Variants in WDR70 observed in about 807,000 individuals in gnomAD.
The protein encoded by WDR70 is WD repeat domain 70.
A neutral mutation model predicts 88.6 loss-of-function variants in WDR70; 53 were observed. The observed-to-expected ratio is 0.60, with a 90% CI of 0.48 to 0.75. WDR70 has a LOEUF of 0.75. Ranked by LOEUF, WDR70 falls within the 30% of genes least tolerant of loss-of-function variation. WDR70 has a pLI of 0.00. For missense variants in WDR70, 610 were observed against 823.2 expected, an observed-to-expected ratio of 0.74 and a Z score of 3.17; for synonymous variants, 280 against 270.0, an observed-to-expected ratio of 1.04 and a Z score of -0.36.
chr5:37,721,030 A>G lies in WDR70; in HGVS notation c.1417-85A>G, dbSNP rs953215145. On this transcript the variant is annotated intron_variant, in intron 13 of 17. Coordinates refer to ENST00000265107, the MANE Select transcript of WDR70 (RefSeq NM_018034.4). ...AAACCATCAGGATGATATTTGATAT[A>G]GTAGACTAGCCATCAAAGTACCAGC... 3 of 1,096,730 alleles carry G rather than the reference A, an allele frequency of 2.7e-6. No individual in the cohort carries two copies. In the African/African-American group the frequency reaches 4.7e-5, roughly 17 times the overall value. 67.9% of individuals were successfully genotyped at this position (1,096,730 alleles called of 1,614,324 possible). A position where few individuals can be genotyped will look rare whatever the true frequency, so the allele number is the denominator to read the frequency against.
Position 37,430,647 on chromosome 5 carries a change from G to T in WDR70, c.493-7275G>T, listed in dbSNP as rs558439452. 9.9e-5 allele frequency among the ~76,000 whole-genome samples: 15 copies of T among 151,710 alleles called. 1 individual carries two copies. The highest frequency in any genetic ancestry group is 3.6e-4 in the African/African-American group (15 of 41,354). On this transcript the variant is annotated intron_variant, in intron 5 of 17. Coordinates refer to ENST00000265107, the MANE Select transcript of WDR70 (RefSeq NM_018034.4). ...ATGATCTCAGCTCACTGCAACCTCC[G>T]CTTCCTGGGTTTAAGCGATTCTCCC...
At chr5:37,645,352 T>C (rs990158089) in intron 10 of WDR70, among the ~76,000 whole-genome samples, 3 of 152,074 alleles carry the variant, frequency 2.0e-5, no homozygotes, top group Non-Finnish European at 2.9e-5. Flanking sequence ...TCAGAGAAGA[T>C]GTATGATATT....
At chr5:37,644,272 G>A (rs1745178516) in intron 10 of WDR70, among the ~76,000 whole-genome samples, 1 of 151,862 alleles carries the variant, frequency 6.6e-6, no homozygotes, top group Non-Finnish European at 1.5e-5. Flanking sequence ...CATTCTGTTG[G>A]TATGATGTGT....
intron 10 of WDR70, among the ~76,000 whole-genome samples, chr5:37,610,176 G>T (rs1350468172): frequency 2.7e-5 from 4 of 150,424 alleles, no homozygotes; most frequent in Non-Finnish European, 5.9e-5. Flanking sequence ...TGATGCAGGA[G>T]AATTGCTTGA....
chr5:37,541,005 C>A (rs1033641605), intron 9 of WDR70, among the ~76,000 whole-genome samples: 2 of 152,148 alleles, frequency 1.3e-5, no homozygotes, highest in Non-Finnish European at 2.9e-5. Flanking sequence ...GTAATATAAT[C>A]TTTAATTCAG....
intron 5 of WDR70, among the ~76,000 whole-genome samples, chr5:37,405,502 G>A (rs1214171478): frequency 6.6e-6 from 1 of 151,652 alleles, no homozygotes; most frequent in Non-Finnish European, 1.5e-5. Flanking sequence ...GGTGTGAGCC[G>A]CTGTGCCTGG....
chr5:37,477,749 ATAT>A (rs1038129669), intron 7 of WDR70, among the ~76,000 whole-genome samples: 7 of 152,184 alleles, frequency 4.6e-5, no homozygotes, highest in African/African-American at 9.6e-5. Context: ...AGACAAGGAG[ATAT>A]TCTCCTCATC....
intron 10 of WDR70, among the ~76,000 whole-genome samples, chr5:37,656,056 T>TG (rs1431704582): frequency 6.6e-6 from 1 of 151,658 alleles, no homozygotes; most frequent in African/African-American, 2.4e-5. Context: ...TTGCCCTGGT[T>TG]TTTTTTTCAT....
At chr5:37,527,081 A>G (rs1277127078) in intron 9 of WDR70, among the ~76,000 whole-genome samples, 1 of 152,198 alleles carries the variant, frequency 6.6e-6, no homozygotes, top group African/African-American at 2.4e-5. Flanking sequence ...ATTCAATGCC[A>G]TCCCCATCAA....
chr5:37,383,443 G>A (rs1027532770), intron 3 of WDR70, among the ~76,000 whole-genome samples: 2 of 151,722 alleles, frequency 1.3e-5, no homozygotes, highest in African/African-American at 4.8e-5. Flanking sequence ...TGTATTTTTA[G>A]TGGAGACGGG....
rs1744434051 is a variant in WDR70 at position 37,619,188 on chromosome 5, A to G, written c.1092+13950A>G. ...ATGAAATAGGGGAAGCATGTTTTGAATTTGTGTTATTCTAGCCAATTTTGA... is the reference window on the plus strand; with the variant it reads ...ATGAAATAGGGGAAGCATGTTTTGAGTTTGTGTTATTCTAGCCAATTTTGA... On this transcript the variant is annotated intron_variant, in intron 10 of 17. Coordinates refer to ENST00000265107, the MANE Select transcript of WDR70 (RefSeq NM_018034.4). Among the ~76,000 whole-genome samples the G allele has an allele frequency of 3.3e-5, 5 of 152,026 alleles. No individual in the cohort carries two copies. In the South Asian group the frequency reaches 1.0e-3, roughly 32 times the overall value.
At chr5:37,695,917 C>A (rs1746967361) in intron 10 of WDR70, among the ~76,000 whole-genome samples, 1 of 152,188 alleles carries the variant, frequency 6.6e-6, no homozygotes, top group Non-Finnish European at 1.5e-5. Flanking sequence ...TTCTTGCCCT[C>A]ACCTCCTGCT....
At chr5:37,604,650 G>A (rs1023013688) in intron 9 of WDR70, among the ~76,000 whole-genome samples, 2 of 152,170 alleles carry the variant, frequency 1.3e-5, no homozygotes, top group African/African-American at 4.8e-5. Flanking sequence ...TTTTCAGTGT[G>A]TTTTCTGGTG....
intron 10 of WDR70, among the ~76,000 whole-genome samples, chr5:37,682,664 T>C (rs1746472966): frequency 6.6e-6 from 1 of 152,198 alleles, no homozygotes. Flanking sequence ...ATTTCTGCCT[T>C]AATATTATTA....
chr5:37,723,777 C>G (rs1382455605), intron 15 of WDR70: 2 of 152,178 alleles, frequency 1.3e-5, no homozygotes, highest in Non-Finnish European at 2.9e-5. Context: ...CATAACTAGT[C>G]TAGCTCATGT....
intron 7 of WDR70, among the ~76,000 whole-genome samples, chr5:37,445,005 C>T (rs1338083672): frequency 5.9e-5 from 9 of 152,150 alleles, no homozygotes; most frequent in Non-Finnish European, 1.0e-4. Flanking sequence ...CAACGCCTGC[C>T]GTGCACCTGG....
intron 13 of WDR70, among the ~76,000 whole-genome samples, chr5:37,705,926 G>T: frequency 6.6e-6 from 1 of 151,836 alleles, no homozygotes; most frequent in East Asian, 1.9e-4. Flanking sequence ...CTCTTCCCAC[G>T]CCCTCTTCTA....
At chr5:37,483,101 G>GCTTTTTTTTTTTTTTTTTTTTTTTTTT (rs1270855677) in intron 8 of WDR70, among the ~76,000 whole-genome samples, 1 of 129,886 alleles carries the variant, frequency 7.7e-6, no homozygotes, top group Non-Finnish European at 1.6e-5. Context: ...AGTGGTCTCA[G>GCTTTTTTTTTTTTTTTTTTTTTTTTTT]TTTTTTTTTT....
chr5:37,516,721 A>ACAT, intron 9 of WDR70, 131 bp downstream of exon 9: 1 of 155,026 alleles, frequency 6.5e-6, no homozygotes. Flanking sequence ...ACATATATAT[A>ACAT]TATATTTTTT....
Sources: allele counts gnomAD v4.1 joint callset (sites outside exome capture counted in the v4.1 genomes callset), GRCh38; gene constraint gnomAD v4.1.1; transcripts MANE v1.5; gene names NCBI Gene and HGNC (gene_info 2026-07-23, HGNC 2026-07-21).